The following ZNF385D variants were observed in gnomAD, a reference collection of about 807,000 sequenced individuals.
The protein encoded by ZNF385D is zinc finger protein 385D, also known as zinc finger protein 659.
In ZNF385D, 15 loss-of-function variants were observed where a neutral mutation model predicts 35.8. The ratio of observed to expected loss-of-function variants is 0.42; its 90% CI spans 0.28 to 0.64. The LOEUF (loss-of-function observed/expected upper bound fraction) is 0.64. Among genes scored for constraint, ZNF385D ranks in the 30% least tolerant of loss-of-function variants. ZNF385D has a pLI of 0.23. For synonymous variants in ZNF385D, 212 were observed against 186.8 expected (o/e 1.13, Z -1.10); for missense variants, 474 against 494.6 (o/e 0.96, Z 0.39).
chr3:21,579,775 A>ATTCCTAGCTGCTAGTGTTTTGCCG (rs60789309), intron 2 of ZNF385D: 134,686 of 151,710 alleles, frequency 0.89, 59,909 homozygotes, highest in African/African-American at 0.93. Flanking sequence ...CTTCCTTGCC[A>ATTCCTAGCTGCTAGTGTTTTGCCG]GCCGTCTCTG....
intron 3 of ZNF385D, among the ~76,000 whole-genome samples, chr3:22,019,421 G>A (rs1262717306): frequency 6.6e-6 from 1 of 151,842 alleles, no homozygotes; most frequent in African/African-American, 2.4e-5. Flanking sequence ...GTCAAGATAT[G>A]TCTAACCCAT....
At chr3:22,193,142 ATTCC>A (rs1696172244) in intron 2 of ZNF385D, among the ~76,000 whole-genome samples, 1 of 152,176 alleles carries the variant, frequency 6.6e-6, no homozygotes, top group African/African-American at 2.4e-5. Context: ...AAAATTAATA[ATTCC>A]TTCTTATGAA....
chr3:22,161,883 C>T (rs901430044), intron 3 of ZNF385D, among the ~76,000 whole-genome samples: 1 of 152,064 alleles, frequency 6.6e-6, no homozygotes, highest in African/African-American at 2.4e-5. Flanking sequence ...TATAAGTTTG[C>T]CAGGGAGATT....
intron 2 of ZNF385D, among the ~76,000 whole-genome samples, chr3:22,324,153 G>C (rs1056547887): frequency 2.0e-5 from 3 of 152,250 alleles, no homozygotes; most frequent in South Asian, 2.1e-4. Context: ...GGAACTTCTA[G>C]AGAAATTCAA....
chr3:21,602,117 G>A (rs971460996), intron 2 of ZNF385D, among the ~76,000 whole-genome samples: 5 of 152,164 alleles, frequency 3.3e-5, no homozygotes, highest in African/African-American at 1.2e-4. Context: ...AGGCAAGAGA[G>A]CGTGTGCAGG....
chr3:22,000,903 GTTTT>G (rs36111318), intron 3 of ZNF385D, among the ~76,000 whole-genome samples: 3 of 148,006 alleles, frequency 2.0e-5, no homozygotes, highest in African/African-American at 7.4e-5. Flanking sequence ...ATTTAAGGGA[GTTTT>G]TTTTTTTCTA....
At chr3:22,153,559 G>A (rs1278682990) in intron 3 of ZNF385D, among the ~76,000 whole-genome samples, 6 of 150,496 alleles carry the variant, frequency 4.0e-5, no homozygotes, top group African/African-American at 1.5e-4. Context: ...CCCCTCCTGG[G>A]TCCAAGCAAT....
chr3:22,203,006 C>A (rs770410335), intron 2 of ZNF385D, among the ~76,000 whole-genome samples: 3 of 152,048 alleles, frequency 2.0e-5, no homozygotes, highest in Non-Finnish European at 4.4e-5. Context: ...TGGTGTGCTG[C>A]GCTTGGAACC....
At chr3:22,342,098 ACC>A (rs1260693481) in intron 2 of ZNF385D, among the ~76,000 whole-genome samples, 3 of 151,802 alleles carry the variant, frequency 2.0e-5, no homozygotes, top group Non-Finnish European at 2.9e-5. Flanking sequence ...ACACGGTGAA[ACC>A]CCGTCTCTAC....
At chr3:22,243,873 T>A (rs1232698908) in intron 2 of ZNF385D, among the ~76,000 whole-genome samples, 1 of 150,838 alleles carries the variant, frequency 6.6e-6, no homozygotes, top group East Asian at 2.0e-4. Context: ...GGTATTCAAT[T>A]GACAGCTGGA....
At chr3:21,467,110 G>T (rs1057227970) in intron 4 of ZNF385D, among the ~76,000 whole-genome samples, 3 of 152,130 alleles carry the variant, frequency 2.0e-5, no homozygotes, top group Non-Finnish European at 4.4e-5. Flanking sequence ...CCATCAATGT[G>T]CTTATGGAAT....
chr3:21,559,726 GT>G (rs2062871317), intron 3 of ZNF385D, among the ~76,000 whole-genome samples: 1 of 152,170 alleles, frequency 6.6e-6, no homozygotes, highest in Non-Finnish European at 1.5e-5. Context: ...GGTTGGGGAA[GT>G]TCTCCTGGAT....
chr3:21,614,379 C>G (rs1399471086), intron 2 of ZNF385D, among the ~76,000 whole-genome samples: 1 of 152,182 alleles, frequency 6.6e-6, no homozygotes, highest in East Asian at 1.9e-4. Flanking sequence ...CTAAGGAGCT[C>G]ATTTCAATTT....
intron 4 of ZNF385D, among the ~76,000 whole-genome samples, chr3:21,486,647 A>G (rs114990846): frequency 1.7e-3 from 254 of 152,284 alleles, no homozygotes; most frequent in Non-Finnish European, 2.4e-3. Flanking sequence ...GTTCAAATGT[A>G]AAATATAAAA....
At chr3:22,122,017 G>C (rs1703114132) in intron 3 of ZNF385D, among the ~76,000 whole-genome samples, 1 of 152,114 alleles carries the variant, frequency 6.6e-6, no homozygotes, top group Non-Finnish European at 1.5e-5. Context: ...TCATTACTGA[G>C]ATGACACCAG....
chr3:21,568,425 CATG>C (rs2063222670), intron 2 of ZNF385D, among the ~76,000 whole-genome samples: 1 of 152,076 alleles, frequency 6.6e-6, no homozygotes, highest in Non-Finnish European at 1.5e-5. Context: ...AAAAGAAAGT[CATG>C]TATATTGTTT....
chr3:22,080,332 G>C lies in ZNF385D; in HGVS notation c.325+88485C>G, dbSNP rs148531773. 3.3e-5 allele frequency among the ~76,000 whole-genome samples: 5 copies of C among 152,210 alleles called. No individual in the cohort carries two copies. The East Asian group carries it at 7.7e-4, about 24-fold the overall frequency. On this transcript the variant is annotated intron_variant, in intron 3 of 5. Transcript: ENST00000494108. ...TGCATAAATGACAGTCATCTATGCAGCTGAGACACTTGCTTTAAACTCACA... is the reference window on the plus strand; with the variant it reads ...TGCATAAATGACAGTCATCTATGCACCTGAGACACTTGCTTTAAACTCACA...
In ZNF385D at chr3:22,242,233, G is replaced by GA. The variant is rs199679970; in HGVS notation, c.107-73199dup. ...TAAAACTTAAAGTATAATAATAAAA[G>GA]AAAAAAAAATATCCACTCCCTAAGA... is the stretch of plus-strand genomic sequence containing the variant. On this transcript the variant is annotated intron_variant, in intron 2 of 5. Coordinates refer to the ZNF385D transcript ENST00000494108. 4.5e-3 allele frequency among the ~76,000 whole-genome samples: 675 copies of GA among 149,484 alleles called. 35 individuals carry two copies. The highest frequency in any genetic ancestry group is 0.015 in the African/African-American group (627 of 40,478).
chr3:22,254,911 A>T (rs2125334083), intron 2 of ZNF385D, among the ~76,000 whole-genome samples: 1 of 151,948 alleles, frequency 6.6e-6, no homozygotes, highest in East Asian at 1.9e-4. Context: ...CAAATAATTG[A>T]CTAACATGGG....
Sources: allele counts gnomAD v4.1 joint callset (sites outside exome capture counted in the v4.1 genomes callset), GRCh38; gene constraint gnomAD v4.1.1; transcripts MANE v1.5; gene names NCBI Gene and HGNC (gene_info 2026-07-23, HGNC 2026-07-21).